Variants in VPS53 observed in about 807,000 individuals in gnomAD.
VPS53 encodes VPS53 subunit of GARP complex, also known as vacuolar protein sorting-associated protein 53 homolog.
VPS53 carries 70 observed loss-of-function variants against 107.0 expected under a neutral mutation model. That is an observed-to-expected ratio of 0.65 (90% CI 0.54 to 0.80). VPS53 has a LOEUF of 0.80. Among genes scored for constraint, VPS53 ranks in the 30% least tolerant of loss-of-function variants. VPS53 has a pLI of 0.00. For synonymous variants in VPS53, 409 were observed against 393.3 expected (o/e 1.04, Z -0.47); for missense variants, 917 against 1,049.4 (o/e 0.87, Z 1.74).
At chr17:557,446 G>A (rs1162194699) in intron 15 of VPS53, among the ~76,000 whole-genome samples, 1 of 151,962 alleles carries the variant, frequency 6.6e-6, no homozygotes, top group East Asian at 1.9e-4. Flanking sequence ...CTAGGACTTG[G>A]ACATATTTTG....
At chr17:523,256 G>A (rs997058214) in intron 19 of VPS53, 4 of 152,470 alleles carry the variant, frequency 2.6e-5, no homozygotes, top group Non-Finnish European at 4.4e-5. Flanking sequence ...CTGTTGAGAT[G>A]GCTTAGGAGA....
At chr17:549,041 T>A (rs1229559999) in intron 17 of VPS53, among the ~76,000 whole-genome samples, 3 of 152,212 alleles carry the variant, frequency 2.0e-5, no homozygotes, top group African/African-American at 7.2e-5. Context: ...ATTGCTGTCA[T>A]CTTACACATC....
chr17:652,641 C>A (rs78706143), intron 7 of VPS53, among the ~76,000 whole-genome samples: 6 of 152,190 alleles, frequency 3.9e-5, no homozygotes, highest in Non-Finnish European at 8.8e-5. Flanking sequence ...ATTCTCCAGT[C>A]CCCTCCTGAG....
intron 13 of VPS53, among the ~76,000 whole-genome samples, chr17:564,068 G>A (rs1461086692): frequency 1.3e-5 from 2 of 152,052 alleles, no homozygotes; most frequent in Non-Finnish European, 2.9e-5. Context: ...TGGCCAACAT[G>A]GCAAAACCCC....
At chr17:636,926 T>C (rs574856748) in intron 7 of VPS53, among the ~76,000 whole-genome samples, 7 of 152,062 alleles carry the variant, frequency 4.6e-5, no homozygotes, top group South Asian at 2.1e-4. Context: ...ATGATGCTGG[T>C]CTCATAAAAT....
intron 7 of VPS53, among the ~76,000 whole-genome samples, chr17:638,535 T>A (rs908667548): frequency 2.6e-5 from 4 of 152,194 alleles, no homozygotes; most frequent in African/African-American, 9.6e-5. Flanking sequence ...ATTTGGCATG[T>A]TTTTGCAGTG....
chr17:706,559 C>G (rs1973409892), intron 2 of VPS53, among the ~76,000 whole-genome samples: 1 of 151,120 alleles, frequency 6.6e-6, no homozygotes, highest in African/African-American at 2.4e-5. Context: ...AAAAATTACA[C>G]AAGCAAGTCA....
intron 13 of VPS53, among the ~76,000 whole-genome samples, chr17:566,733 T>G (rs1597312497): frequency 6.6e-6 from 1 of 152,018 alleles, no homozygotes; most frequent in African/African-American, 2.4e-5. Context: ...TTTTTTGTTT[T>G]TTTTTGTTTT....
rs147029256 is a variant in VPS53 at position 706,743 on chromosome 17, T to G, written c.168+3790A>C. Among the ~76,000 whole-genome samples the G allele has an allele frequency of 9.7e-4, 148 of 152,226 alleles. No individual in the cohort carries two copies. The East Asian group carries it at 0.022, about 23-fold the overall frequency. ...ACTGAATAAACGAATGAGTGAATTTTGGATTCTCCATGACCCTCTACTTTC... is the reference window on the plus strand; with the variant it reads ...ACTGAATAAACGAATGAGTGAATTTGGGATTCTCCATGACCCTCTACTTTC... On this transcript the variant is annotated intron_variant, in intron 2 of 21. Coordinates refer to ENST00000437048, the MANE Select transcript of VPS53 (RefSeq NM_001128159.3).
rs73975712 is a variant in VPS53 at position 615,299 on chromosome 17, C to G, written c.1116+8234G>C. Among the ~76,000 whole-genome samples, 401 of 152,304 alleles carry G rather than the reference C, an allele frequency of 2.6e-3. 3 individuals are homozygous for G. Among genetic ancestry groups the G allele is most frequent in the African/African-American group, 9.3e-3 (388 of 41,554 alleles). On this transcript the variant is annotated intron_variant, in intron 11 of 21. Coordinates refer to ENST00000437048, the MANE Select transcript of VPS53 (RefSeq NM_001128159.3). ...CCTGAGGCTCTTTCAGTCTAAAGTTCTATCAAATGTTGAAGTCACAGCTCT... is the reference window on the plus strand; with the variant it reads ...CCTGAGGCTCTTTCAGTCTAAAGTTGTATCAAATGTTGAAGTCACAGCTCT...
chr17:658,694 C>T (rs1005774207), intron 5 of VPS53, among the ~76,000 whole-genome samples: 1 of 147,356 alleles, frequency 6.8e-6, no homozygotes, highest in South Asian at 2.2e-4. Context: ...GTGAGACACT[C>T]GGCCGTGAGT....
At chr17:528,595 CTTTTTTT>C in intron 19 of VPS53, among the ~76,000 whole-genome samples, 1 of 101,266 alleles carries the variant, frequency 9.9e-6, no homozygotes. Flanking sequence ...TTTTTCAATT[CTTTTTTT>C]TTTTTTTTTT....
rs1191419577 is a variant in VPS53, at chr17:517,208, A to C, written c.*1920T>G. On this transcript the variant is annotated 3_prime_UTR_variant, in exon 22 of 22. Coordinates refer to ENST00000437048, the MANE Select transcript of VPS53 (RefSeq NM_001128159.3). ...CTTATTTGGAATCTTTTCCTAATAG[A>C]CCTCAACTGAAGGCCGCATCTCCTT... 1 of 373,418 alleles carries C rather than the reference A, an allele frequency of 2.7e-6. No individual in the cohort carries two copies. The highest frequency in any genetic ancestry group is 4.7e-6 in the Non-Finnish European group (1 of 210,952). The allele number at this position is 373,418 out of a possible 1,614,324, so 23.1% of individuals were successfully genotyped here.
rs773529210 is a variant in VPS53, at chr17:697,441, T to C, written c.262A>G (p.Asn88Asp). The C allele has an allele frequency of 1.2e-6, 2 of 1,614,154 alleles. No individual in the cohort carries two copies. The highest frequency in any genetic ancestry group is 1.7e-6 in the Non-Finnish European group (2 of 1,179,974). The change falls in exon 4 of 22, where the codon AAC (asparagine) becomes GAC (aspartate). Residue 88 changes from asparagine to aspartate, a missense_variant. Transcript: ENST00000437048. ...NIRTVVRGQTNVGQDGRQALE... is the reference protein window; with the variant it reads ...NIRTVVRGQTDVGQDGRQALE... ...ACTTGCCGTCCATCCTGCCCCACGTTCGTCTGACCTCTTACAACAGTTCGA... is the reference window on the plus strand; with the variant it reads ...ACTTGCCGTCCATCCTGCCCCACGTCCGTCTGACCTCTTACAACAGTTCGA...
chr17:711,603 A>T (rs1406488855), intron 1 of VPS53, among the ~76,000 whole-genome samples: 2 of 152,196 alleles, frequency 1.3e-5, no homozygotes, highest in Non-Finnish European at 2.9e-5. Flanking sequence ...AGCAGGATAC[A>T]AGAGATACAA....
At chr17:687,574 C>CAAA (rs1051720595) in intron 4 of VPS53, among the ~76,000 whole-genome samples, 1 of 89,452 alleles carries the variant, frequency 1.1e-5, no homozygotes, top group African/African-American at 4.1e-5. Context: ...GACTCAGTCT[C>CAAA]AAAAAAAAAA....
intron 20 of VPS53, 102 bp downstream of exon 20, chr17:521,499 T>C (rs1280599746): frequency 4.7e-6 from 6 of 1,275,822 alleles, no homozygotes; most frequent in Non-Finnish European, 6.1e-6. Flanking sequence ...GACCATGCTT[T>C]GAGGCCGGTG....
chr17:558,821 TAA>T (rs35915328), intron 15 of VPS53, among the ~76,000 whole-genome samples: 65 of 135,028 alleles, frequency 4.8e-4, no homozygotes, highest in Non-Finnish European at 6.7e-4. Context: ...CCATCTCTAC[TAA>T]AAAAAAAAAA....
intron 11 of VPS53, among the ~76,000 whole-genome samples, chr17:617,065 T>G (rs1969171185): frequency 6.6e-6 from 1 of 152,230 alleles, no homozygotes; most frequent in Non-Finnish European, 1.5e-5. Flanking sequence ...CATCCTTCAC[T>G]GGGACCTATT....
Sources: gnomAD v4.1 joint callset for allele counts (sites outside exome capture counted in the v4.1 genomes callset) on GRCh38, gnomAD v4.1.1 for gene constraint, MANE v1.5 for transcripts, NCBI Gene and HGNC (gene_info 2026-07-23, HGNC 2026-07-21) for gene names.